PTGER4: variants seen among roughly 807,000 people sequenced by gnomAD.
The protein encoded by PTGER4 is prostaglandin E receptor 4, also known as prostaglandin E2 receptor EP4 subtype.
PTGER4 carries 11 observed loss-of-function variants against 33.2 expected under a neutral mutation model. The observed-to-expected ratio is 0.33, with a 90% CI of 0.21 to 0.55. The LOEUF (loss-of-function observed/expected upper bound fraction) is 0.55, where lower values mean the gene tolerates loss of function less well. Ranked by LOEUF, PTGER4 falls within the 20% of genes least tolerant of loss-of-function variation. PTGER4 has a pLI of 0.92. For synonymous variants in PTGER4, 275 were observed against 281.5 expected (o/e 0.98, Z 0.23); for missense variants, 481 against 650.2 (o/e 0.74, Z 2.83).
chr5:40,693,231 C>T lies in PTGER4; in HGVS notation c.*853C>T. On this transcript the variant is annotated 3_prime_UTR_variant, in exon 3 of 3. Transcript: ENST00000302472. Reference sequence around the variant, plus strand: ...GCTGGTGAATATTTTCAACTTTTTCCCTCACTAATTGGTACTTTTAAAAAC... The same window carrying T: ...GCTGGTGAATATTTTCAACTTTTTCTCTCACTAATTGGTACTTTTAAAAAC... 1.0e-6 allele frequency: 1 copy of T among 983,936 alleles called. No individual in the cohort carries two copies. The highest frequency in any genetic ancestry group is 1.2e-6 in the Non-Finnish European group (1 of 828,360). 61.0% of individuals were successfully genotyped at this position (983,936 alleles called of 1,614,324 possible).
At chr5:40,735,549 C>T in the PTGER4 span, among the ~76,000 whole-genome samples, 1 of 151,966 alleles carries the variant, frequency 6.6e-6, no homozygotes, top group Non-Finnish European at 1.5e-5. Flanking sequence ...TAGGATCCCA[C>T]GCAATCAAGA....
chr5:40,681,584 C>A lies in PTGER4; in HGVS notation c.591C>A (p.Leu197=), dbSNP rs368140977. ...MYAGFSSFLI[L]ATVLCNVLVC... is the part of the protein sequence containing the mutation. ...CGGGCTTCAGCTCCTTCCTCATTCT[C>A]GCCACCGTCCTCTGCAACGTGCTTG... Residue 197 remains leucine (L), a synonymous_variant, in exon 2 of 3, where the codon CTC becomes CTA. Coordinates refer to ENST00000302472, the MANE Select transcript of PTGER4 (RefSeq NM_000958.3). The surrounding 1 kb of genome is among the most constrained non-coding windows in gnomAD (Gnocchi z 9.8). The A allele has an allele frequency of 6.2e-6, 10 of 1,609,656 alleles. No homozygotes were observed. The African/African-American group carries it at 1.3e-4, about 21-fold the overall frequency.
downstream of PTGER4, among the ~76,000 whole-genome samples, chr5:40,695,787 T>G (rs1741574950): frequency 6.6e-6 from 1 of 152,108 alleles, no homozygotes. Flanking sequence ...ACCAATAGAA[T>G]GAAGGTAAAG....
the PTGER4 span, among the ~76,000 whole-genome samples, chr5:40,730,815 A>G: frequency 1.2e-4 from 18 of 152,294 alleles, no homozygotes; most frequent in South Asian, 1.2e-3. Flanking sequence ...AAACTTAGAA[A>G]TGGGTTCATA....
the PTGER4 span, chr5:40,716,386 C>T: frequency 6.2e-7 from 1 of 1,613,926 alleles, no homozygotes; most frequent in African/African-American, 1.3e-5. Flanking sequence ...TTTTTTAATC[C>T]TCTGTGCTAC....
chr5:40,682,682 C>T (rs1741229442), intron 2 of PTGER4, among the ~76,000 whole-genome samples: 1 of 152,134 alleles, frequency 6.6e-6, no homozygotes, highest in Non-Finnish European at 1.5e-5. Context: ...GACAACTGTG[C>T]GAGGTACAGT....
downstream of PTGER4, among the ~76,000 whole-genome samples, chr5:40,696,367 T>C (rs554354903): frequency 2.0e-4 from 30 of 152,318 alleles, no homozygotes; most frequent in Non-Finnish European, 4.3e-4. Context: ...CCTCATGCCC[T>C]TCTCCCGTTA....
the PTGER4 span, among the ~76,000 whole-genome samples, chr5:40,740,153 GTTAT>G: frequency 2.6e-5 from 4 of 151,662 alleles, no homozygotes; most frequent in African/African-American, 7.3e-5. Flanking sequence ...TGTTGCTGTT[GTTAT>G]TTAATGTCAA....
At chr5:40,703,817 T>C in the PTGER4 span, among the ~76,000 whole-genome samples, 102,943 of 148,774 alleles carry the variant, frequency 0.69, 35,522 homozygotes, top group East Asian at 0.8. Flanking sequence ...GCAGGAGAAT[T>C]GCTTGAACCC....
In PTGER4 at chr5:40,681,747, A is replaced by T; in HGVS notation, c.754A>T (p.Ser252Cys). 6.3e-7 allele frequency: 1 copy of T among 1,595,402 alleles called. No individual in the cohort carries two copies. Among genetic ancestry groups the T allele is most frequent in the Non-Finnish European group, 8.5e-7 (1 of 1,175,526 alleles). Reference protein sequence around the residue: ...PAASPALPRLSDFRRRRSFRR... With the variant: ...PAASPALPRLCDFRRRRSFRR... ...TGCCTCCCCAGCCTTGCCGCGCCTC[A>T]GCGACTTTCGGCGCCGCCGGAGCTT... Residue 252 changes from serine to cysteine, a missense_variant, in exon 2 of 3, where the codon AGC becomes TGC. Ser to Cys is a moderately radical substitution (Grantham distance 112). Transcript: ENST00000302472. This position sits in a 1 kb window ranked among gnomAD's most constrained non-coding sequence, Gnocchi z 9.8.
chr5:40,739,519 T>C, the PTGER4 span, among the ~76,000 whole-genome samples: 1 of 152,150 alleles, frequency 6.6e-6, no homozygotes, highest in African/African-American at 2.4e-5. Flanking sequence ...GTTCTCGTGA[T>C]AGTGAGTTCT....
chr5:40,711,365 T>C, the PTGER4 span, among the ~76,000 whole-genome samples: 16 of 152,224 alleles, frequency 1.1e-4, no homozygotes, highest in African/African-American at 3.6e-4. Context: ...TGTCTAAAAT[T>C]TAAAAGACTG....
the PTGER4 span, among the ~76,000 whole-genome samples, chr5:40,741,465 C>T: frequency 6.6e-6 from 1 of 152,146 alleles, no homozygotes; most frequent in African/African-American, 2.4e-5. Flanking sequence ...ACAGAAATTC[C>T]CCAATAGTTG....
chr5:40,732,231 G>A, the PTGER4 span, among the ~76,000 whole-genome samples: 3 of 151,954 alleles, frequency 2.0e-5, no homozygotes, highest in African/African-American at 7.3e-5. Flanking sequence ...TGCTCAGGCT[G>A]GTCTCAAACT....
chr5:40,708,295 AAAG>A, the PTGER4 span, among the ~76,000 whole-genome samples: 15 of 152,298 alleles, frequency 9.8e-5, no homozygotes, highest in African/African-American at 3.1e-4. Flanking sequence ...CAAGACTAAT[AAAG>A]AAGAAAAGAG....
the PTGER4 span, among the ~76,000 whole-genome samples, chr5:40,732,750 A>G: frequency 1.3e-5 from 2 of 152,092 alleles, no homozygotes; most frequent in African/African-American, 4.8e-5. Flanking sequence ...CTGGGACTAC[A>G]GGCACATGCC....
chr5:40,731,221 C>A, the PTGER4 span, among the ~76,000 whole-genome samples: 31 of 152,292 alleles, frequency 2.0e-4, no homozygotes, highest in Non-Finnish European at 4.0e-4. Context: ...AAATGTCTTT[C>A]CTCCAGCATT....
chr5:40,687,107 G>T (rs1023113408), intron 2 of PTGER4, among the ~76,000 whole-genome samples: 1 of 152,064 alleles, frequency 6.6e-6, no homozygotes, highest in African/African-American at 2.4e-5. Context: ...GTGCAATGGC[G>T]CAATCTCAGC....
At chr5:40,720,704 A>ACTAACTGAAAGGCT in the PTGER4 span, among the ~76,000 whole-genome samples, 1 of 152,106 alleles carries the variant, frequency 6.6e-6, no homozygotes, top group African/African-American at 2.4e-5. Flanking sequence ...AAATCCAGAA[A>ACTAACTGAAAGGCT]CTAACTGAAA....
Sources: allele counts gnomAD v4.1 joint callset (sites outside exome capture counted in the v4.1 genomes callset), GRCh38; gene constraint gnomAD v4.1.1; non-coding constraint Gnocchi (gnomAD v3.1); transcripts MANE v1.5; gene names NCBI Gene and HGNC (gene_info 2026-07-23, HGNC 2026-07-21).